The following SCAF8 variants were observed in gnomAD, a reference collection of about 807,000 sequenced individuals.
SCAF8 encodes the protein SR-related and CTD-associated factor 8.
In SCAF8, 23 loss-of-function variants were observed where a neutral mutation model predicts 140.5. The observed-to-expected ratio is 0.16, with a 90% confidence interval of 0.12 to 0.23. SCAF8 has a LOEUF of 0.23. Ranked by LOEUF, SCAF8 falls within the 10% of genes least tolerant of loss-of-function variation. SCAF8 has a pLI of 1.00. For synonymous variants in SCAF8, 575 were observed against 528.9 expected (o/e 1.09, Z -1.20); for missense variants, 1,397 against 1,555.7 (o/e 0.90, Z 1.72).
intron 1 of SCAF8, among the ~76,000 whole-genome samples, chr6:154,738,606 A>G (rs73581033): frequency 0.016 from 2,386 of 152,362 alleles, 58 homozygotes; most frequent in African/African-American, 0.054. Context: ...ATTACAATAC[A>G]AGATTTCCTC....
intron 3 of SCAF8, among the ~76,000 whole-genome samples, chr6:154,787,545 T>C (rs1777288899): frequency 6.6e-6 from 1 of 152,258 alleles, no homozygotes; most frequent in South Asian, 2.1e-4. Flanking sequence ...TTTGCTTCTT[T>C]CTTCCATGTA....
intron 1 of SCAF8, among the ~76,000 whole-genome samples, chr6:154,746,479 A>C (rs1039202307): frequency 2.6e-5 from 4 of 152,182 alleles, no homozygotes; most frequent in Non-Finnish European, 5.9e-5. Flanking sequence ...TGAATTCATC[A>C]TAGTATCTTC....
intron 5 of SCAF8, among the ~76,000 whole-genome samples, chr6:154,794,266 AT>A (rs1299161354): frequency 6.6e-6 from 1 of 152,080 alleles, no homozygotes; most frequent in Non-Finnish European, 1.5e-5. Flanking sequence ...TTACTATAAA[AT>A]TTTTTTATTG....
chr6:154,769,501 A>G (rs1049795379), intron 1 of SCAF8, among the ~76,000 whole-genome samples: 9 of 152,228 alleles, frequency 5.9e-5, no homozygotes, highest in African/African-American at 1.7e-4. Context: ...CTGAGTGAAT[A>G]TGATTTGATT....
intron 9 of SCAF8, among the ~76,000 whole-genome samples, chr6:154,806,303 T>C (rs925366437): frequency 6.6e-6 from 1 of 152,218 alleles, no homozygotes; most frequent in African/African-American, 2.4e-5. Context: ...TTCTGCTGTA[T>C]GTGAGAAATG....
chr6:154,804,219 T>C (rs9479959), intron 8 of SCAF8, among the ~76,000 whole-genome samples: 91,609 of 151,958 alleles, frequency 0.6, 30,243 homozygotes, highest in East Asian at 0.91. Context: ...GGTGAAAGTC[T>C]GTGGGTCTCT....
intron 3 of SCAF8, among the ~76,000 whole-genome samples, chr6:154,780,370 TTTAAA>T (rs1350857719): frequency 3.3e-5 from 5 of 151,258 alleles, no homozygotes; most frequent in African/African-American, 9.7e-5. Context: ...TTTTTTTTTT[TTTAAA>T]TTTAAGTTCT....
intron 1 of SCAF8, among the ~76,000 whole-genome samples, chr6:154,770,503 C>G (rs545501784): frequency 4.0e-5 from 6 of 151,418 alleles, no homozygotes; most frequent in South Asian, 2.1e-4. Context: ...CCTGGGAGGT[C>G]AAGGCTGCAG....
At chr6:154,759,665 T>TC (rs1779050276) in intron 1 of SCAF8, among the ~76,000 whole-genome samples, 1 of 32,902 alleles carries the variant, frequency 3.0e-5, no homozygotes, top group South Asian at 1.4e-3. Context: ...GTCATAATAA[T>TC]TTTTTTTTTT....
intron 1 of SCAF8, among the ~76,000 whole-genome samples, chr6:154,736,158 G>A (rs903616001): frequency 1.3e-5 from 2 of 151,410 alleles, no homozygotes; most frequent in Non-Finnish European, 2.9e-5. Context: ...GCCCTCATTG[G>A]ATTTAATTCC....
chr6:154,740,385 C>G (rs1001816387), intron 1 of SCAF8, among the ~76,000 whole-genome samples: 1 of 152,140 alleles, frequency 6.6e-6, no homozygotes, highest in Non-Finnish European at 1.5e-5. Flanking sequence ...TTTGGGGGCA[C>G]AGTGACCCTG....
chr6:154,815,186 A>G (rs920125016), intron 12 of SCAF8, among the ~76,000 whole-genome samples: 2 of 152,056 alleles, frequency 1.3e-5, no homozygotes, highest in Non-Finnish European at 1.5e-5. Flanking sequence ...AGTCCTAGCT[A>G]CTCGGGAGAC....
rs199543298 is a variant in SCAF8, at chr6:154,779,758, G to GGTGT, written c.159+1734_159+1737dup. 1.6e-3 allele frequency among the ~76,000 whole-genome samples: 239 copies of GGTGT among 147,486 alleles called. 1 individual carries two copies. The highest frequency in any genetic ancestry group is 3.4e-3 in the Middle Eastern group (1 of 294). On this transcript the variant is annotated intron_variant, in intron 3 of 19. Transcript: ENST00000367178. ...CAGATTTGTGTAATGGTTAAAATAAGGTGTGTGTGTGTGTGTGTGTGTGTA... is the reference window on the plus strand; with the variant it reads ...CAGATTTGTGTAATGGTTAAAATAAGGTGTGTGTGTGTGTGTGTGTGTGTGTGTA...
chr6:154,768,175 G>A (rs561272434), intron 1 of SCAF8, among the ~76,000 whole-genome samples: 1 of 152,080 alleles, frequency 6.6e-6, no homozygotes, highest in Non-Finnish European at 1.5e-5. Context: ...AGATTCATTT[G>A]TCTTGAAAAG....
chr6:154,820,442 C>T, intron 15 of SCAF8, 109 bp downstream of exon 15: 2 of 854,266 alleles, frequency 2.3e-6, no homozygotes, highest in South Asian at 1.7e-5. Flanking sequence ...ATTCATCTCC[C>T]AAAAAAGAGA....
intron 12 of SCAF8, among the ~76,000 whole-genome samples, chr6:154,812,754 A>T (rs1002219273): frequency 5.9e-5 from 9 of 152,184 alleles, no homozygotes; most frequent in African/African-American, 1.9e-4. Context: ...TCTGCATGGG[A>T]TGACAAGAAT....
At chr6:154,772,322 T>A (rs1202840809) in intron 1 of SCAF8, among the ~76,000 whole-genome samples, 1 of 152,220 alleles carries the variant, frequency 6.6e-6, no homozygotes, top group Non-Finnish European at 1.5e-5. Context: ...TAATCAGTAA[T>A]TGTCTGTTGC....
At chr6:154,744,523 T>A (rs572903135) in intron 1 of SCAF8, among the ~76,000 whole-genome samples, 2 of 152,210 alleles carry the variant, frequency 1.3e-5, no homozygotes, top group Non-Finnish European at 2.9e-5. Flanking sequence ...AATGGTTGGA[T>A]AGGTGTCATC....
At chr6:154,822,244 C>T (rs1227572795) in intron 15 of SCAF8, 32 bp from the exon 16 acceptor site, 1 of 1,584,078 alleles carries the variant, frequency 6.3e-7, no homozygotes, top group Non-Finnish European at 8.6e-7. Context: ...TGCACCTATC[C>T]AAAGGAAATC....
Sources: gnomAD v4.1 joint callset for allele counts (sites outside exome capture counted in the v4.1 genomes callset) on GRCh38, gnomAD v4.1.1 for gene constraint, MANE v1.5 for transcripts, NCBI Gene and HGNC (gene_info 2026-07-23, HGNC 2026-07-21) for gene names.